DLG2: variants seen among roughly 807,000 people sequenced by gnomAD.
DLG2 encodes discs large MAGUK scaffold protein 2, also known as disks large homolog 2.
A neutral mutation model predicts 132.5 loss-of-function variants in DLG2; 45 were observed. The observed-to-expected ratio is 0.34, with a 90% CI of 0.27 to 0.44. The LOEUF is 0.44. DLG2 is among the 20% of genes least tolerant of loss of function. The pLI is 1.00. For synonymous variants in DLG2, 424 were observed against 419.6 expected (o/e 1.01, Z -0.13); for missense variants, 1,045 against 1,196.9 (o/e 0.87, Z 1.87).
chr11:85,480,290 A>G (rs769052800), intron 3 of DLG2, among the ~76,000 whole-genome samples: 16 of 152,234 alleles, frequency 1.1e-4, no homozygotes, highest in Non-Finnish European at 2.2e-4. Context: ...ACTCAAAAAC[A>G]GTTACAAAAT....
At chr11:83,562,399 G>C (rs579420) in intron 19 of DLG2, among the ~76,000 whole-genome samples, 71,642 of 151,800 alleles carry the variant, frequency 0.47, 17,390 homozygotes, top group Admixed American at 0.57. Flanking sequence ...AACTGACCCT[G>C]TGATGCCCTG....
chr11:85,024,937 T>A (rs1341993554), intron 6 of DLG2, among the ~76,000 whole-genome samples: 3 of 152,144 alleles, frequency 2.0e-5, no homozygotes, highest in Non-Finnish European at 4.4e-5. Context: ...ATAAGGAAAG[T>A]TAGAAAGTAG....
At chr11:84,217,341 T>G (rs181272653) in intron 8 of DLG2, among the ~76,000 whole-genome samples, 10 of 152,304 alleles carry the variant, frequency 6.6e-5, no homozygotes, top group Admixed American at 6.5e-4. Flanking sequence ...TCCTGTGCTA[T>G]TCTCGTGATA....
chr11:83,860,653 G>T (rs2061312522), intron 16 of DLG2, among the ~76,000 whole-genome samples: 1 of 150,258 alleles, frequency 6.7e-6, no homozygotes, highest in Admixed American at 6.6e-5. Context: ...AGTTAATGCT[G>T]AAATGAGTTA....
chr11:83,815,478 G>A (rs1011095111), intron 17 of DLG2, among the ~76,000 whole-genome samples: 3 of 152,100 alleles, frequency 2.0e-5, no homozygotes, highest in Non-Finnish European at 2.9e-5. Context: ...TTGGTTAAGG[G>A]CCAGCTGACC....
intron 18 of DLG2, among the ~76,000 whole-genome samples, chr11:83,731,962 T>A (rs1378401850): frequency 6.6e-6 from 1 of 152,222 alleles, no homozygotes; most frequent in African/African-American, 2.4e-5. Flanking sequence ...TTTAAATAAA[T>A]GTTAGCAACT....
chr11:83,983,958 A>G (rs1035079900), intron 11 of DLG2, among the ~76,000 whole-genome samples: 3 of 152,138 alleles, frequency 2.0e-5, no homozygotes, highest in Non-Finnish European at 4.4e-5. Context: ...ATAAAAGTAC[A>G]GAGGTTATTC....
chr11:83,496,388 T>C (rs1218008532), intron 21 of DLG2, among the ~76,000 whole-genome samples: 1 of 152,016 alleles, frequency 6.6e-6, no homozygotes, highest in Non-Finnish European at 1.5e-5. Flanking sequence ...TACAGTTACT[T>C]TGAAAAATAG....
At chr11:84,035,443 C>G (rs2095838130) in intron 11 of DLG2, among the ~76,000 whole-genome samples, 1 of 152,152 alleles carries the variant, frequency 6.6e-6, no homozygotes, top group Non-Finnish European at 1.5e-5. Flanking sequence ...AGAGAGAAAG[C>G]CACATGAAAA....
At chr11:83,585,885 G>C (rs2097076232) in intron 19 of DLG2, among the ~76,000 whole-genome samples, 1 of 152,174 alleles carries the variant, frequency 6.6e-6, no homozygotes, top group Non-Finnish European at 1.5e-5. Context: ...TGTGCCATGA[G>C]GATGGGGCTT....
chr11:83,665,157 A>G (rs2075256479), intron 18 of DLG2, among the ~76,000 whole-genome samples: 2 of 152,234 alleles, frequency 1.3e-5, no homozygotes, highest in Admixed American at 6.5e-5. Context: ...ACTCAGCTTG[A>G]AAGAGAGAAG....
chr11:85,583,773 T>C (rs183791831), intron 3 of DLG2, among the ~76,000 whole-genome samples: 2 of 152,280 alleles, frequency 1.3e-5, no homozygotes, highest in Non-Finnish European at 2.9e-5. Context: ...TTGGTCCTTT[T>C]AGTCAATACC....
At chr11:83,737,052 C>A (rs538606646) in intron 18 of DLG2, among the ~76,000 whole-genome samples, 23 of 152,232 alleles carry the variant, frequency 1.5e-4, no homozygotes, top group African/African-American at 5.3e-4. Flanking sequence ...TGTAATTAAG[C>A]CATAGGCCAC....
intron 6 of DLG2, among the ~76,000 whole-genome samples, chr11:84,659,607 A>ATGAC (rs958355533): frequency 2.6e-5 from 4 of 152,198 alleles, no homozygotes; most frequent in Admixed American, 6.5e-5. Flanking sequence ...AAGTTACTGA[A>ATGAC]TGACTATCCT....
chr11:85,554,834 T>C (rs1288302796), intron 3 of DLG2, among the ~76,000 whole-genome samples: 14 of 151,742 alleles, frequency 9.2e-5, no homozygotes, highest in Admixed American at 9.2e-4. Context: ...TTCGGACTTT[T>C]GCATCCTGAC....
rs1337791169 is a variant in DLG2, at chr11:84,861,628, A to C, written c.357+250033T>G. Among the ~76,000 whole-genome samples, 50 of 72,498 alleles carry C rather than the reference A, an allele frequency of 6.9e-4. 2 individuals are homozygous for C. The East Asian group carries it at 9.1e-3, about 13-fold the overall frequency. 47.6% of individuals were successfully genotyped at this position (72,498 alleles called of 152,430 possible). A position where few individuals can be genotyped will look rare whatever the true frequency, so the allele number is the denominator to read the frequency against. On this transcript the variant is annotated intron_variant, in intron 6 of 27. Transcript: ENST00000376104. ...AGAGCTTCTACACAGCAAAAAAAAA[A>C]AAAAAAAAAAACAAAAAAAAAAACC...
chr11:83,621,078 C>G (rs2061568004), intron 19 of DLG2, among the ~76,000 whole-genome samples: 2 of 151,948 alleles, frequency 1.3e-5, no homozygotes, highest in South Asian at 4.2e-4. Context: ...ATTTGGAGGA[C>G]TTTTTCTGAT....
chr11:84,497,170 A>G (rs917772388), intron 7 of DLG2, among the ~76,000 whole-genome samples: 22 of 152,198 alleles, frequency 1.4e-4, no homozygotes, highest in Non-Finnish European at 1.0e-4. Flanking sequence ...AAGATGTTCA[A>G]TTAATATTAG....
intron 6 of DLG2, among the ~76,000 whole-genome samples, chr11:84,945,067 T>A (rs1289335365): frequency 1.3e-5 from 2 of 152,192 alleles, no homozygotes; most frequent in African/African-American, 4.8e-5. Flanking sequence ...GGTGAGGTCA[T>A]GTTTTCGTAG....
Sources: allele counts gnomAD v4.1 joint callset (sites outside exome capture counted in the v4.1 genomes callset), GRCh38; gene constraint gnomAD v4.1.1; transcripts MANE v1.5; gene names NCBI Gene and HGNC (gene_info 2026-07-23, HGNC 2026-07-21).